The following GPHN variants were observed in gnomAD, a reference collection of about 807,000 sequenced individuals.
GPHN encodes gephyrin.
Under a neutral mutation model 95.5 loss-of-function variants are expected in GPHN, and 17 were observed. The ratio of observed to expected loss-of-function variants is 0.18; its 90% CI spans 0.12 to 0.27. The LOEUF is 0.27. Among genes scored for constraint, GPHN ranks in the 10% least tolerant of loss-of-function variants. The pLI is 1.00. For synonymous variants in GPHN, 320 were observed against 322.5 expected, an observed-to-expected ratio of 0.99 and a Z score of 0.08; for missense variants, 660 against 978.1, an observed-to-expected ratio of 0.67 and a Z score of 4.34.
chr14:67,037,620 A>C (rs1256232285), intron 10 of GPHN, among the ~76,000 whole-genome samples: 22 of 151,910 alleles, frequency 1.4e-4, no homozygotes, highest in Admixed American at 1.4e-3. Flanking sequence ...CAAATATCCC[A>C]ATTTAAAAAT....
intron 4 of GPHN, among the ~76,000 whole-genome samples, chr14:66,854,880 C>T (rs2062735047): frequency 6.7e-6 from 1 of 150,222 alleles, no homozygotes; most frequent in South Asian, 2.1e-4. Flanking sequence ...CGTAGTCTCA[C>T]TCTGTCACCC....
chr14:67,302,081 A>G, the GPHN span: 2 of 1,608,338 alleles, frequency 1.2e-6, no homozygotes, highest in Non-Finnish European at 1.7e-6. Flanking sequence ...GAAACTGTAA[A>G]AATAGTTCGT....
chr14:67,686,502 G>C, the GPHN span, among the ~76,000 whole-genome samples: 1 of 152,120 alleles, frequency 6.6e-6, no homozygotes, highest in African/African-American at 2.4e-5. Flanking sequence ...GGCCGGGCAT[G>C]GTGGCGTGCA....
downstream of GPHN, among the ~76,000 whole-genome samples, chr14:67,183,171 C>T (rs1223687346): frequency 2.6e-5 from 4 of 152,160 alleles, no homozygotes; most frequent in South Asian, 2.1e-4. Flanking sequence ...ATAGGGGTGT[C>T]GTGGAAATTA....
At chr14:67,435,265 C>T in the GPHN span, among the ~76,000 whole-genome samples, 1 of 152,160 alleles carries the variant, frequency 6.6e-6, no homozygotes, top group South Asian at 2.1e-4. Context: ...TCACGCCCAG[C>T]CTTTTCCTCT....
At chr14:66,700,503 T>A (rs1291204874) in intron 2 of GPHN, among the ~76,000 whole-genome samples, 1 of 152,236 alleles carries the variant, frequency 6.6e-6, no homozygotes, top group Non-Finnish European at 1.5e-5. Context: ...TGTATTTTTT[T>A]ACTTAGTAAA....
the GPHN span, among the ~76,000 whole-genome samples, chr14:67,362,025 CT>C: frequency 6.5e-5 from 8 of 123,768 alleles, no homozygotes; most frequent in African/African-American, 2.4e-4. Context: ...TTTCTTTTTT[CT>C]TTTTTCTTTT....
intron 1 of GPHN, among the ~76,000 whole-genome samples, chr14:66,511,638 T>C (rs1016792748): frequency 3.9e-5 from 6 of 152,206 alleles, no homozygotes; most frequent in South Asian, 2.1e-4. Context: ...GTTATCTTCA[T>C]TTCAGTTGTA....
chr14:67,032,298 C>CCACAGTT (rs1465985326), intron 10 of GPHN, among the ~76,000 whole-genome samples: 2 of 152,328 alleles, frequency 1.3e-5, no homozygotes, highest in East Asian at 3.9e-4. Flanking sequence ...CTGAGGGCTA[C>CCACAGTT]TGAAAGCCAG....
intron 8 of GPHN, among the ~76,000 whole-genome samples, chr14:66,949,475 C>G (rs2067962653): frequency 6.6e-6 from 1 of 152,106 alleles, no homozygotes; most frequent in African/African-American, 2.4e-5. Context: ...AAAATGCAGC[C>G]TACCTTAATG....
intron 6 of GPHN, among the ~76,000 whole-genome samples, chr14:66,922,261 C>A (rs1170117065): frequency 1.5e-5 from 2 of 137,484 alleles, no homozygotes; most frequent in East Asian, 4.4e-4. Context: ...GAATAGTCAG[C>A]AGAGTGTATG....
At chr14:66,512,149 T>A (rs1193583132) in intron 1 of GPHN, among the ~76,000 whole-genome samples, 1 of 151,888 alleles carries the variant, frequency 6.6e-6, no homozygotes, top group African/African-American at 2.4e-5. Flanking sequence ...AAACAGGATG[T>A]GGTGCAGATG....
At chr14:66,736,409 T>A (rs947260833) in intron 2 of GPHN, among the ~76,000 whole-genome samples, 8 of 151,038 alleles carry the variant, frequency 5.3e-5, no homozygotes, top group Non-Finnish European at 1.2e-4. Flanking sequence ...TTTCTTTTTT[T>A]TTTTTTGAGA....
At position 67,088,690 on chromosome 14, in the gene GPHN, G is replaced by A. The variant is rs546146337; in HGVS notation, c.1145-293G>A. Among the ~76,000 whole-genome samples, 162 of 152,298 alleles carry A rather than the reference G, an allele frequency of 1.1e-3. 1 individual carries two copies. The highest frequency in any genetic ancestry group is 6.9e-4 in the Non-Finnish European group (47 of 68,018). ...TTCCTTTTAAAGAAAATCATATTTGGGTTGTTAAAGGATTACTGACACATC... is the reference window on the plus strand; with the variant it reads ...TTCCTTTTAAAGAAAATCATATTTGAGTTGTTAAAGGATTACTGACACATC... On this transcript the variant is annotated intron_variant, in intron 11 of 22. Coordinates refer to ENST00000478722, the MANE Select transcript of GPHN (RefSeq NM_020806.5).
the GPHN span, among the ~76,000 whole-genome samples, chr14:67,375,259 T>C: frequency 2.6e-5 from 4 of 151,414 alleles, no homozygotes; most frequent in East Asian, 7.7e-4. Context: ...TGTGTGTGTG[T>C]GTGTGTGTGT....
At position 66,562,181 on chromosome 14, in the gene GPHN, A is replaced by G. The variant is rs561213416; in HGVS notation, c.64+53590A>G. On this transcript the variant is annotated intron_variant, in intron 1 of 22. Coordinates refer to ENST00000478722, the MANE Select transcript of GPHN (RefSeq NM_020806.5). ...CTTTTTTCCTCCCTCTACTCTCCTA[A>G]GTTCTGTCTCTGGGGTCCTGTAAAT... 3.7e-3 allele frequency among the ~76,000 whole-genome samples: 559 copies of G among 152,250 alleles called. 1 individual carries two copies. Among genetic ancestry groups the G allele is most frequent in the Non-Finnish European group, 5.6e-3 (380 of 68,010 alleles).
At chr14:66,818,585 T>G (rs2061072425) in intron 3 of GPHN, among the ~76,000 whole-genome samples, 1 of 152,148 alleles carries the variant, frequency 6.6e-6, no homozygotes, top group Non-Finnish European at 1.5e-5. Context: ...GTCTTTATAA[T>G]ATAATGATTT....
the GPHN span, among the ~76,000 whole-genome samples, chr14:67,236,702 A>G: frequency 6.6e-6 from 1 of 152,218 alleles, no homozygotes; most frequent in Non-Finnish European, 1.5e-5. Context: ...ATCCTCCTAT[A>G]AAACATCTAA....
chr14:66,537,958 G>C (rs1246656182), intron 1 of GPHN, among the ~76,000 whole-genome samples: 2 of 152,054 alleles, frequency 1.3e-5, no homozygotes, highest in African/African-American at 4.8e-5. Context: ...CTCTCAAGTA[G>C]CTGGGAGTAC....
Sources: allele counts gnomAD v4.1 joint callset (sites outside exome capture counted in the v4.1 genomes callset), GRCh38; gene constraint gnomAD v4.1.1; transcripts MANE v1.5; gene names NCBI Gene and HGNC (gene_info 2026-07-23, HGNC 2026-07-21).